The following GUCY1A2 variants were observed in gnomAD, a reference collection of about 807,000 sequenced individuals.
GUCY1A2 encodes the protein guanylate cyclase 1 soluble subunit alpha 2, also known as guanylate cyclase soluble subunit alpha-2.
In GUCY1A2, 27 loss-of-function variants were observed where a neutral mutation model predicts 63.5. The observed-to-expected ratio is 0.43, with a 90% confidence interval of 0.31 to 0.59. The LOEUF (loss-of-function observed/expected upper bound fraction) is 0.59. Ranked by LOEUF, GUCY1A2 falls within the 20% of genes least tolerant of loss-of-function variation. The pLI is 0.11. For synonymous variants in GUCY1A2, 364 were observed against 343.5 expected, an observed-to-expected ratio of 1.06 and a Z score of -0.66; for missense variants, 768 against 913.3, an observed-to-expected ratio of 0.84 and a Z score of 2.05.
chr11:106,781,818 T>G (rs988172646), intron 5 of GUCY1A2, among the ~76,000 whole-genome samples: 5 of 151,958 alleles, frequency 3.3e-5, no homozygotes, highest in African/African-American at 1.2e-4. Flanking sequence ...TTTGTGCACC[T>G]CAGCCTCCCA....
At chr11:106,898,549 G>C (rs1197408492) in intron 4 of GUCY1A2, among the ~76,000 whole-genome samples, 2 of 152,088 alleles carry the variant, frequency 1.3e-5, no homozygotes, top group Non-Finnish European at 2.9e-5. Context: ...GCCATGAAAA[G>C]ATAAGCAGAA....
intron 4 of GUCY1A2, among the ~76,000 whole-genome samples, chr11:106,928,242 A>G (rs1195588348): frequency 6.6e-6 from 1 of 152,166 alleles, no homozygotes; most frequent in Non-Finnish European, 1.5e-5. Context: ...CAATGGCCAA[A>G]AAAGAGTCAC....
chr11:106,953,094 CCTTGT>C (rs1156755265), intron 3 of GUCY1A2, among the ~76,000 whole-genome samples: 2 of 152,236 alleles, frequency 1.3e-5, no homozygotes, highest in South Asian at 2.1e-4. Flanking sequence ...GAGAGGGCAT[CCTTGT>C]CTTGTACCAG....
chr11:106,745,775 C>T lies in GUCY1A2; in HGVS notation c.1836+30664G>A, dbSNP rs555039017. 3.9e-5 allele frequency among the ~76,000 whole-genome samples: 6 copies of T among 152,304 alleles called. No homozygotes were observed. In the South Asian group the frequency reaches 1.2e-3, roughly 32 times the overall value. ...TATGATGTCTTGCAACTGGATAACA[C>T]ATTTTATCTTTTGCCATGAATTCTT... On this transcript the variant is annotated intron_variant, in intron 6 of 7. Coordinates refer to ENST00000526355, the MANE Select transcript of GUCY1A2 (RefSeq NM_000855.3).
chr11:107,011,212 T>C (rs1565359374), intron 1 of GUCY1A2, among the ~76,000 whole-genome samples: 1 of 152,176 alleles, frequency 6.6e-6, no homozygotes, highest in South Asian at 2.1e-4. Flanking sequence ...TGTGCCTACA[T>C]GTGTGTGAAA....
chr11:106,821,049 A>G (rs1352653677), intron 4 of GUCY1A2, among the ~76,000 whole-genome samples: 3 of 152,180 alleles, frequency 2.0e-5, no homozygotes. Flanking sequence ...ATAAGCCATA[A>G]ACTACATAAC....
intron 5 of GUCY1A2, among the ~76,000 whole-genome samples, chr11:106,776,965 T>C (rs11211910): frequency 0.32 from 48,676 of 152,010 alleles, 8,063 homozygotes; most frequent in African/African-American, 0.38. Context: ...AGCATTTTTT[T>C]CCCAGTTTTT....
chr11:106,834,186 C>T (rs950259827), intron 4 of GUCY1A2, among the ~76,000 whole-genome samples: 1 of 151,920 alleles, frequency 6.6e-6, no homozygotes, highest in African/African-American at 2.4e-5. Context: ...TGCAAATGTG[C>T]ACCCTTTGAC....
At chr11:106,828,540 T>G (rs2135435314) in intron 4 of GUCY1A2, among the ~76,000 whole-genome samples, 1 of 152,316 alleles carries the variant, frequency 6.6e-6, no homozygotes, top group Middle Eastern at 3.4e-3. Flanking sequence ...ATTTTTTTAT[T>G]TTAACAACAC....
chr11:106,999,750 T>C (rs1369860392), intron 1 of GUCY1A2, among the ~76,000 whole-genome samples: 1 of 152,210 alleles, frequency 6.6e-6, no homozygotes, highest in Non-Finnish European at 1.5e-5. Context: ...ATGGAATTGT[T>C]AATTTCTATC....
At chr11:106,745,432 C>G (rs1358625721) in intron 6 of GUCY1A2, among the ~76,000 whole-genome samples, 1 of 152,202 alleles carries the variant, frequency 6.6e-6, no homozygotes, top group African/African-American at 2.4e-5. Context: ...TATTATAACT[C>G]TCACTAAATT....
At chr11:106,748,709 G>A (rs999505048) in intron 6 of GUCY1A2, among the ~76,000 whole-genome samples, 3 of 152,090 alleles carry the variant, frequency 2.0e-5, no homozygotes, top group African/African-American at 7.2e-5. Context: ...ATATGGCTTA[G>A]GTTACATGAT....
intron 5 of GUCY1A2, among the ~76,000 whole-genome samples, chr11:106,782,825 G>A (rs767376337): frequency 5.3e-5 from 8 of 152,156 alleles, no homozygotes; most frequent in Non-Finnish European, 1.0e-4. Flanking sequence ...CAGAAGAGCA[G>A]GAAAAACTAT....
intron 6 of GUCY1A2, among the ~76,000 whole-genome samples, chr11:106,720,006 C>T (rs1863286474): frequency 6.6e-6 from 1 of 152,186 alleles, no homozygotes; most frequent in African/African-American, 2.4e-5. Context: ...CACAATATTC[C>T]ATTTTGCTCC....
At chr11:107,011,875 T>A (rs192596389) in intron 1 of GUCY1A2, among the ~76,000 whole-genome samples, 10 of 151,950 alleles carry the variant, frequency 6.6e-5, no homozygotes, top group African/African-American at 2.4e-4. Flanking sequence ...GCATTAGCTA[T>A]GTAATTGTTG....
intron 4 of GUCY1A2, among the ~76,000 whole-genome samples, chr11:106,818,349 T>A (rs967366850): frequency 6.6e-6 from 1 of 152,146 alleles, no homozygotes; most frequent in East Asian, 1.9e-4. Context: ...TATGGTAACC[T>A]GTGATCAGTG....
At chr11:107,012,971 G>A (rs1252700338) in intron 1 of GUCY1A2, among the ~76,000 whole-genome samples, 1 of 149,502 alleles carries the variant, frequency 6.7e-6, no homozygotes, top group African/African-American at 2.5e-5. Flanking sequence ...ATGTCAGAGA[G>A]CTCATTTTAT....
chr11:106,802,104 G>T (rs551867929), intron 5 of GUCY1A2, among the ~76,000 whole-genome samples: 14 of 152,148 alleles, frequency 9.2e-5, no homozygotes, highest in Middle Eastern at 3.2e-3. Flanking sequence ...ATTAATTAAA[G>T]GTTTGTTTGT....
At chr11:106,709,840 AATAT>A (rs1327593345) in intron 6 of GUCY1A2, among the ~76,000 whole-genome samples, 2 of 132,222 alleles carry the variant, frequency 1.5e-5, no homozygotes, top group African/African-American at 2.7e-5. Context: ...ACACGTATAG[AATAT>A]ATAGTTATAT....
Sources: gnomAD v4.1 joint callset for allele counts (sites outside exome capture counted in the v4.1 genomes callset) on GRCh38, gnomAD v4.1.1 for gene constraint, MANE v1.5 for transcripts, NCBI Gene and HGNC (gene_info 2026-07-23, HGNC 2026-07-21) for gene names.